The following MYO3B variants were observed in gnomAD, a reference collection of about 807,000 sequenced individuals.
The protein encoded by MYO3B is myosin-IIIb.
Under a neutral mutation model 174.6 loss-of-function variants are expected in MYO3B, and 156 were observed. The ratio of observed to expected loss-of-function variants is 0.89; its 90% CI spans 0.78 to 1.02. The LOEUF (loss-of-function observed/expected upper bound fraction) is 1.02, where lower values mean the gene tolerates loss of function less well. Among genes scored for constraint, MYO3B ranks in the 50% least tolerant of loss-of-function variants. The pLI is 0.00. For synonymous variants in MYO3B, 563 were observed against 569.1 expected (o/e 0.99, Z 0.15); for missense variants, 1,632 against 1,639.4 (o/e 1.00, Z 0.08).
At chr2:170,323,265 G>A (rs1383486575) in intron 7 of MYO3B, among the ~76,000 whole-genome samples, 1 of 152,220 alleles carries the variant, frequency 6.6e-6, no homozygotes, top group East Asian at 1.9e-4. Context: ...CTCAACAGAT[G>A]AAAACATTCT....
intron 32 of MYO3B, chr2:170,649,870 AAC>A (rs376711769): frequency 0.056 from 7,350 of 131,588 alleles, 231 homozygotes; most frequent in East Asian, 0.11. Flanking sequence ...AAAAAAAAAA[AAC>A]AAAACACCTA....
intron 12 of MYO3B, among the ~76,000 whole-genome samples, chr2:170,385,613 G>C (rs552979500): frequency 6.6e-6 from 1 of 152,188 alleles, no homozygotes; most frequent in Non-Finnish European, 1.5e-5. Context: ...ATACGGACAG[G>C]TCATGTAAAA....
intron 32 of MYO3B, chr2:170,602,178 T>G: frequency 2.4e-6 from 3 of 1,246,648 alleles, no homozygotes; most frequent in South Asian, 1.2e-5. Context: ...GCACAAAAAA[T>G]GCATATGATG....
chr2:170,633,206 G>A (rs540348558), intron 32 of MYO3B, among the ~76,000 whole-genome samples: 4 of 152,118 alleles, frequency 2.6e-5, no homozygotes, highest in African/African-American at 4.8e-5. Flanking sequence ...GACGAACATC[G>A]ATGCAGAAAT....
intron 32 of MYO3B, among the ~76,000 whole-genome samples, chr2:170,642,761 T>G (rs540436324): frequency 3.4e-4 from 52 of 152,172 alleles, no homozygotes; most frequent in African/African-American, 1.2e-3. Context: ...CTCCATGACA[T>G]GACTTAAATT....
At chr2:170,271,065 C>T (rs530028483) in intron 7 of MYO3B, among the ~76,000 whole-genome samples, 4 of 152,222 alleles carry the variant, frequency 2.6e-5, no homozygotes, top group South Asian at 2.1e-4. Context: ...AAATTGGAGC[C>T]GGTAAAGATT....
intron 6 of MYO3B, among the ~76,000 whole-genome samples, chr2:170,223,067 C>T (rs534405194): frequency 1.3e-5 from 2 of 152,268 alleles, no homozygotes; most frequent in South Asian, 2.1e-4. Flanking sequence ...AATTGCCTTC[C>T]TGTGTGGGCG....
intron 7 of MYO3B, among the ~76,000 whole-genome samples, chr2:170,293,467 G>A (rs2093609193): frequency 6.6e-6 from 1 of 152,064 alleles, no homozygotes; most frequent in African/African-American, 2.4e-5. Context: ...TGCTTCCAAT[G>A]TTTTCACAGA....
intron 7 of MYO3B, among the ~76,000 whole-genome samples, chr2:170,308,713 G>A (rs933655217): frequency 1.3e-5 from 2 of 151,928 alleles, no homozygotes; most frequent in South Asian, 2.1e-4. Flanking sequence ...CTGTATTATA[G>A]TTACTCATTC....
chr2:170,407,875 T>G, intron 22 of MYO3B, 31 bp downstream of exon 22: 1 of 1,611,930 alleles, frequency 6.2e-7, no homozygotes, highest in Non-Finnish European at 8.5e-7. Context: ...AGCCCTGCTC[T>G]TAAAGCTTTT....
At chr2:170,263,605 A>G (rs994548166) in intron 7 of MYO3B, among the ~76,000 whole-genome samples, 3 of 152,152 alleles carry the variant, frequency 2.0e-5, no homozygotes, top group African/African-American at 7.2e-5. Flanking sequence ...TTTGATGTGC[A>G]CATACATAAA....
At chr2:170,650,019 CTTTTTTTTTTTTTTTT>C (rs1017785949) in intron 32 of MYO3B, 1 of 65,606 alleles carries the variant, frequency 1.5e-5, no homozygotes, top group East Asian at 5.1e-4. Context: ...ATGTGATAGT[CTTTTTTTTTTTTTTTT>C]TTTTTTTTTT....
chr2:170,420,189 A>C (rs1558984100), intron 22 of MYO3B, among the ~76,000 whole-genome samples: 1 of 152,178 alleles, frequency 6.6e-6, no homozygotes, highest in Admixed American at 6.5e-5. Flanking sequence ...ACAGTCTCAA[A>C]AAACAAACAA....
Position 170,318,223 on chromosome 2 carries a change from A to C in MYO3B, c.750-17162A>C, listed in dbSNP as rs145659642. Among the ~76,000 whole-genome samples the C allele has an allele frequency of 5.1e-3, 782 of 152,334 alleles. 6 individuals are homozygous for C. The highest frequency in any genetic ancestry group is 7.0e-3 in the Non-Finnish European group (478 of 68,026). ...GGAGAGTAGAGAGAGAGCACTGGAC[A>C]GTTTATATTCATCTTTGCTTAGACT... On this transcript the variant is annotated intron_variant, in intron 7 of 34. Coordinates refer to ENST00000408978, the MANE Select transcript of MYO3B (RefSeq NM_138995.5).
intron 9 of MYO3B, among the ~76,000 whole-genome samples, chr2:170,371,457 T>A (rs1221511979): frequency 1.3e-5 from 2 of 152,012 alleles, no homozygotes; most frequent in African/African-American, 4.8e-5. Context: ...CAAATAGGTA[T>A]CAACACTTTA....
At chr2:170,622,436 TAAAAC>T (rs1171281896) in intron 32 of MYO3B, among the ~76,000 whole-genome samples, 2 of 152,148 alleles carry the variant, frequency 1.3e-5, no homozygotes, top group Admixed American at 6.5e-5. Context: ...AGTAAAAACT[TAAAAC>T]AATACAAAAG....
intron 8 of MYO3B, among the ~76,000 whole-genome samples, chr2:170,356,408 C>T (rs1411868367): frequency 6.6e-6 from 1 of 151,566 alleles, no homozygotes; most frequent in Admixed American, 6.6e-5. Context: ...TTTTGCCCAG[C>T]CTGGAGTACA....
chr2:170,538,470 C>A (rs1482245601), intron 30 of MYO3B, among the ~76,000 whole-genome samples: 4 of 152,194 alleles, frequency 2.6e-5, no homozygotes, highest in Non-Finnish European at 5.9e-5. Flanking sequence ...TCACCTAGTG[C>A]CACCGGCGCA....
chr2:170,421,408 C>T (rs1004120356), intron 22 of MYO3B, among the ~76,000 whole-genome samples: 2 of 152,124 alleles, frequency 1.3e-5, no homozygotes, highest in African/African-American at 4.8e-5. Context: ...GTGGGGCTTT[C>T]CCAGAAGCAA....
Sources: gnomAD v4.1 joint callset for allele counts (sites outside exome capture counted in the v4.1 genomes callset) on GRCh38, gnomAD v4.1.1 for gene constraint, MANE v1.5 for transcripts, NCBI Gene and HGNC (gene_info 2026-07-23, HGNC 2026-07-21) for gene names.